The following TTC39A variants were observed in gnomAD, a reference collection of about 807,000 sequenced individuals.
The protein encoded by TTC39A is tetratricopeptide repeat domain 39A, also known as tetratricopeptide repeat protein 39A.
In TTC39A, 46 loss-of-function variants were observed where a neutral mutation model predicts 82.3. The observed-to-expected ratio is 0.56, with a 90% CI of 0.44 to 0.71. The LOEUF (loss-of-function observed/expected upper bound fraction) is 0.71. Ranked by LOEUF, TTC39A falls within the 30% of genes least tolerant of loss-of-function variation. The pLI is 0.00. For synonymous variants in TTC39A, 254 were observed against 275.2 expected, an observed-to-expected ratio of 0.92 and a Z score of 0.76; for missense variants, 543 against 712.9, an observed-to-expected ratio of 0.76 and a Z score of 2.71.
chr1:51,318,100 G>A (rs1453772941), intron 2 of TTC39A, among the ~76,000 whole-genome samples: 1 of 152,220 alleles, frequency 6.6e-6, no homozygotes, highest in Non-Finnish European at 1.5e-5. Flanking sequence ...CAAGTCTGCA[G>A]GACAGTTTAG....
intron 6 of TTC39A, among the ~76,000 whole-genome samples, chr1:51,307,471 C>T (rs922163434): frequency 6.6e-6 from 1 of 152,088 alleles, no homozygotes; most frequent in Admixed American, 6.6e-5. Flanking sequence ...TGGTGGCTCA[C>T]GCCTGTAATC....
intron 7 of TTC39A, among the ~76,000 whole-genome samples, 173 bp downstream of exon 7, chr1:51,305,804 C>A (rs977588292): frequency 6.6e-6 from 1 of 152,224 alleles, no homozygotes. Flanking sequence ...ACACCACCCC[C>A]ACCCCAGCTG....
chr1:51,320,481 G>A (rs1369721096), intron 2 of TTC39A, among the ~76,000 whole-genome samples: 1 of 133,792 alleles, frequency 7.5e-6, no homozygotes, highest in African/African-American at 2.9e-5. Context: ...GTGCAGTGGT[G>A]CACAAGATCA....
chr1:51,307,607 T>C (rs1047985180), intron 6 of TTC39A, among the ~76,000 whole-genome samples: 3 of 151,822 alleles, frequency 2.0e-5, no homozygotes, highest in African/African-American at 4.8e-5. Flanking sequence ...GGGTGGCGTA[T>C]GTCTGTGGTC....
chr1:51,333,845 ACTAATGCGGGG>A (rs1431788494), upstream of TTC39A, among the ~76,000 whole-genome samples: 1 of 152,208 alleles, frequency 6.6e-6, no homozygotes, highest in East Asian at 1.9e-4. Context: ...GTCACCAGAC[ACTAATGCGGGG>A]CCTAGCACTT....
chr1:51,326,725 G>A (rs919616577), intron 1 of TTC39A, among the ~76,000 whole-genome samples: 11 of 152,134 alleles, frequency 7.2e-5, no homozygotes, highest in African/African-American at 2.4e-4. Context: ...AAGCAACAGC[G>A]CCAAACCTTT....
chr1:51,309,409 C>G, intron 5 of TTC39A, 84 bp from the exon 6 acceptor site: 1 of 1,600,800 alleles, frequency 6.2e-7, no homozygotes, highest in Non-Finnish European at 8.5e-7. Context: ...CTGGGCCTGA[C>G]TGCCCCTCCG....
chr1:51,331,020 C>T (rs554466446), upstream of TTC39A: 25 of 736,844 alleles, frequency 3.4e-5, 1 homozygote, highest in South Asian at 3.2e-4. Context: ...GACCAGAAGG[C>T]GGGGAAAACA....
intron 5 of TTC39A, among the ~76,000 whole-genome samples, chr1:51,310,075 G>A (rs937800458): frequency 3.3e-5 from 5 of 151,922 alleles, no homozygotes; most frequent in Non-Finnish European, 5.9e-5. Context: ...GACCAGCCTG[G>A]CCAACGTGGT....
chr1:51,330,714 C>T, upstream of TTC39A: 1 of 844,168 alleles, frequency 1.2e-6, no homozygotes, highest in Non-Finnish European at 1.4e-6. This position sits in a 1 kb window ranked among gnomAD's most constrained non-coding sequence, Gnocchi z 4.5. Flanking sequence ...CTGGGCGGCC[C>T]CCACCCCCGC....
At chr1:51,318,339 GGACATTCCAAGACAGAGCAGGCT>G in intron 2 of TTC39A, among the ~76,000 whole-genome samples, 1 of 152,278 alleles carries the variant, frequency 6.6e-6, no homozygotes, top group African/African-American at 2.4e-5. Flanking sequence ...AGGGGAACCT[GGACATTCCAAGACAGAGCAGGCT>G]GCGGCTGGGC....
rs1022256594 is a variant in TTC39A, at chr1:51,295,999, A to C, written c.1145+80T>G. Reference sequence around the variant, plus strand: ...CCTCCCTCCCCAGTGCCCACAGCTCAGGGTGGCCTGGCTGGTCTGTCCATA... The same window carrying C: ...CCTCCCTCCCCAGTGCCCACAGCTCCGGGTGGCCTGGCTGGTCTGTCCATA... On this transcript the variant is annotated intron_variant, in intron 13 of 17. Coordinates refer to ENST00000680483, the MANE Select transcript of TTC39A (RefSeq NM_001297663.2). The C allele has an allele frequency of 2.6e-5, 38 of 1,478,956 alleles. No individual in the cohort carries two copies. In the Admixed American group the frequency reaches 5.3e-4, roughly 21 times the overall value. 91.6% of individuals were successfully genotyped at this position (1,478,956 alleles called of 1,614,324 possible).
rs1403045659 is a variant in TTC39A, at chr1:51,330,436, C to A, written c.41+1G>T. 3.1e-6 allele frequency: 3 copies of A among 982,632 alleles called. No individual in the cohort carries two copies. The highest frequency in any genetic ancestry group is 3.6e-6 in the Non-Finnish European group (3 of 829,636). The allele number at this position is 982,632 out of a possible 1,614,324, so 60.9% of individuals were successfully genotyped here. On this transcript the variant is annotated splice_donor_variant, in intron 1 of 17. Transcript: ENST00000680483. LOFTEE classifies it high-confidence loss of function. The surrounding 1 kb of genome is among the most constrained non-coding windows in gnomAD (Gnocchi z 4.5). ...CCCGGGCCTCCCAGCCGCGCACTTACCCCGCGGGCAGGGCTCCTGGGGCGC... is the reference window on the plus strand; with the variant it reads ...CCCGGGCCTCCCAGCCGCGCACTTAACCCGCGGGCAGGGCTCCTGGGGCGC...
intron 2 of TTC39A, among the ~76,000 whole-genome samples, chr1:51,317,614 G>C (rs187992068): frequency 1.3e-5 from 2 of 152,192 alleles, no homozygotes; most frequent in East Asian, 1.9e-4. Flanking sequence ...GCCAGGCCTG[G>C]TGGCGCGCAC....
At chr1:51,307,609 T>C (rs1331811495) in intron 6 of TTC39A, among the ~76,000 whole-genome samples, 1 of 151,762 alleles carries the variant, frequency 6.6e-6, no homozygotes, top group Non-Finnish European at 1.5e-5. Flanking sequence ...GTGGCGTATG[T>C]CTGTGGTCCC....
chr1:51,342,896 C>T, intron 1 of TTC39A: 1 of 378,078 alleles, frequency 2.6e-6, no homozygotes, highest in Non-Finnish European at 5.5e-6. Context: ...TAGCGTCTAC[C>T]TCCCATTCCC....
chr1:51,327,552 A>G (rs187192660), intron 1 of TTC39A, among the ~76,000 whole-genome samples: 3 of 152,240 alleles, frequency 2.0e-5, no homozygotes, highest in East Asian at 1.9e-4. Context: ...CATACCCTCT[A>G]TGAGCCTCCG....
chr1:51,313,384 C>G (rs55763623), intron 2 of TTC39A, among the ~76,000 whole-genome samples: 4,427 of 152,210 alleles, frequency 0.029, 94 homozygotes, highest in African/African-American at 0.056. Flanking sequence ...CCTGGGCCGC[C>G]CTCAACCTCA....
At chr1:51,301,525 A>T (rs1355336015) in intron 12 of TTC39A, 47 bp downstream of exon 12, 1 of 1,540,826 alleles carries the variant, frequency 6.5e-7, no homozygotes, top group Admixed American at 1.9e-5. Context: ...GGAGGCACAC[A>T]GTCAGCCCTG....
Sources: gnomAD v4.1 joint callset for allele counts (sites outside exome capture counted in the v4.1 genomes callset) on GRCh38, gnomAD v4.1.1 for gene constraint, Gnocchi (gnomAD v3.1) non-coding constraint, MANE v1.5 for transcripts, NCBI Gene and HGNC (gene_info 2026-07-23, HGNC 2026-07-21) for gene names.